The following DNAAF5 variants were observed in gnomAD, a reference collection of about 807,000 sequenced individuals.
DNAAF5 encodes dynein axonemal assembly factor 5, also known as HEAT repeat containing 2.
DNAAF5 carries 64 observed loss-of-function variants against 75.8 expected under a neutral mutation model. The ratio of observed to expected loss-of-function variants is 0.84; its 90% CI spans 0.69 to 1.04. The LOEUF is 1.04. Ranked by LOEUF, DNAAF5 falls within the 50% of genes least tolerant of loss-of-function variation. The pLI is 0.00. For missense variants in DNAAF5, 1,269 were observed against 1,178.5 expected (o/e 1.08, Z -1.12); for synonymous variants, 657 against 557.2 (o/e 1.18, Z -2.52).
In DNAAF5 at chr7:774,177, C is replaced by G; in HGVS notation, c.2061C>G (p.Ser687Arg). 1 of 1,610,126 alleles carries G rather than the reference C, an allele frequency of 6.2e-7. No homozygotes were observed. The highest frequency in any genetic ancestry group is 8.5e-7 in the Non-Finnish European group (1 of 1,179,594). ...CCTGCCTCTGGGCGCTCACCAGCAG[C>G]GAGGTCCTGTCGGCAGAGCAGGTAC... The part of the protein sequence containing the change: ...AVSCLWALTS[S>R]EVLSAEQIRD... The change falls in exon 10 of 13, where the codon AGC becomes AGG. Residue 687 changes from serine to arginine, a missense_variant. Coordinates refer to ENST00000297440, the MANE Select transcript of DNAAF5 (RefSeq NM_017802.4).
chr7:782,915 C>T (rs991180134), intron 12 of DNAAF5, among the ~76,000 whole-genome samples: 3 of 152,250 alleles, frequency 2.0e-5, no homozygotes, highest in Admixed American at 2.0e-4. Context: ...CCTGGCGTGG[C>T]CACCTCCCCT....
chr7:754,255 G>A lies in DNAAF5; in HGVS notation c.1025-334G>A, dbSNP rs146903756. On this transcript the variant is annotated intron_variant, in intron 4 of 12. Transcript: ENST00000297440. The surrounding 1 kb of genome is among the most constrained non-coding windows in gnomAD (Gnocchi z 4.8). ...TCCTCCCACCTCAGACTCCTGCGTAGCTGGGACCACAGGCATGCACCACGG... is the reference window on the plus strand; with the variant it reads ...TCCTCCCACCTCAGACTCCTGCGTAACTGGGACCACAGGCATGCACCACGG... 3.4e-3 allele frequency among the ~76,000 whole-genome samples: 520 copies of A among 152,298 alleles called. No homozygotes were observed. The highest frequency in any genetic ancestry group is 0.01 in the Middle Eastern group (3 of 294).
At position 729,072 on chromosome 7, in the gene DNAAF5, C is replaced by T. The variant is rs567699781; in HGVS notation, c.596-591C>T. On this transcript the variant is annotated intron_variant, in intron 1 of 12. Transcript: ENST00000297440. ...AGTGCAGTGGGGCGATCTCAGCTCA[C>T]TGCAACCTCCGCCTCCTGAGTTCAA... is the stretch of plus-strand genomic sequence containing the variant. 1.4e-3 allele frequency among the ~76,000 whole-genome samples: 215 copies of T among 150,848 alleles called. 1 individual carries two copies. The highest frequency in any genetic ancestry group is 5.0e-3 in the African/African-American group (205 of 40,974).
At chr7:773,126 C>T (rs903255014) in intron 9 of DNAAF5, among the ~76,000 whole-genome samples, 1 of 152,216 alleles carries the variant, frequency 6.6e-6, no homozygotes, top group Admixed American at 6.5e-5. Flanking sequence ...CCAGAGAGCC[C>T]TCTTGCAAGT....
In DNAAF5 at chr7:774,091, G is replaced by A. The variant is rs762534985; in HGVS notation, c.1975G>A (p.Ala659Thr). The stretch of plus-strand genomic sequence containing the variant: ...CGAGACGGTGACAAAGGACATCCTG[G>A]CCCCCAATCTGCAGTGGCATGCGGG... ...YLETVTKDIL[A>T]PNLQWHAGRT... The change falls in exon 10 of 13, where the codon GCC becomes ACC. Residue 659 changes from alanine (A) to threonine (T), a missense_variant. Transcript: ENST00000297440. 1 of 1,613,874 alleles carries A rather than the reference G, an allele frequency of 6.2e-7. No individual in the cohort carries two copies. Among genetic ancestry groups the A allele is most frequent in the South Asian group, 1.1e-5 (1 of 91,078 alleles).
At chr7:752,121 C>T (rs1160994615) in intron 4 of DNAAF5, among the ~76,000 whole-genome samples, 4 of 152,178 alleles carry the variant, frequency 2.6e-5, no homozygotes, top group Admixed American at 2.0e-4. Flanking sequence ...GGCGCCCGCA[C>T]GCGGACCACT....
intron 8 of DNAAF5, among the ~76,000 whole-genome samples, chr7:766,227 T>C (rs916984407): frequency 6.6e-6 from 1 of 152,362 alleles, no homozygotes; most frequent in South Asian, 2.1e-4. Context: ...GCCTCAAATA[T>C]AATACAATAT....
intron 9 of DNAAF5, chr7:773,078 A>G (rs1463528860): frequency 6.6e-6 from 1 of 152,130 alleles, no homozygotes; most frequent in African/African-American, 2.4e-5. Flanking sequence ...AGGCCATTTC[A>G]TGTGGTGACC....
chr7:761,733 G>A lies in DNAAF5; in HGVS notation c.1471-20G>A. 6.3e-7 allele frequency: 1 copy of A among 1,586,750 alleles called. No homozygotes were observed. ...GACCAAATTGTACCAAGCTCTGACG[G>A]TGCTGCCGGTCTCTTCCAGGACCTC... On this transcript the variant is annotated intron_variant, in intron 6 of 12. Transcript: ENST00000297440.
At chr7:776,371 C>T (rs1345196746) in intron 11 of DNAAF5, among the ~76,000 whole-genome samples, 6 of 152,180 alleles carry the variant, frequency 3.9e-5, no homozygotes, top group Non-Finnish European at 8.8e-5. Flanking sequence ...TCATCTTTGA[C>T]TTCTGTTCAA....
chr7:743,272 G>C (rs937101213), intron 4 of DNAAF5, among the ~76,000 whole-genome samples: 2 of 152,146 alleles, frequency 1.3e-5, no homozygotes, highest in Non-Finnish European at 2.9e-5. Context: ...CTGCTCCAGA[G>C]GCTGAGGTGG....
At position 754,695 on chromosome 7, in the gene DNAAF5, GA is replaced by G. The variant is rs1373722095; in HGVS notation, c.1133del (p.Lys378SerfsTer60). On this transcript the variant is annotated frameshift_variant, in exon 5 of 13. Coordinates refer to ENST00000297440, the MANE Select transcript of DNAAF5 (RefSeq NM_017802.4). LOFTEE classifies it high-confidence loss of function. This position sits in a 1 kb window ranked among gnomAD's most constrained non-coding sequence, Gnocchi z 4.8. ...CCGACTGGGTGGTGGGGACCCGAGT[GA>G]AGTCGGCACAGCTGCTCCCAGTGCT... is the stretch of plus-strand genomic sequence containing the variant. The part of the protein sequence containing the change: ...ITDWVVGTRV[K>X]SAQLLPVLLL... 6.2e-7 allele frequency: 1 copy of G among 1,614,044 alleles called. No individual in the cohort carries two copies. The highest frequency in any genetic ancestry group is 1.3e-5 in the African/African-American group (1 of 75,070).
At position 761,886 on chromosome 7, in the gene DNAAF5, T is replaced by C. The variant is rs371954754; in HGVS notation, c.1604T>C (p.Leu535Pro). Residue 535 changes from leucine to proline, a missense_variant, in exon 7 of 13, where the codon CTG becomes CCG. Physicochemically the swap from Leu to Pro is moderately conservative, Grantham distance 98 (BLOSUM62 -3). Transcript: ENST00000297440. ...TIVALAGATG[L>P]RDKAQETMDS... ...GTGGCCCTCGCAGGTGCTACCGGCC[T>C]GAGGGACAAGGTAAGGCTGACAGTG... The C allele has an allele frequency of 6.4e-6, 10 of 1,574,146 alleles. No homozygotes were observed. In the African/African-American group the frequency reaches 6.8e-5, roughly 11 times the overall value.
chr7:770,717 C>T (rs1778533363), intron 9 of DNAAF5, 99 bp downstream of exon 9: 11 of 1,164,746 alleles, frequency 9.4e-6, no homozygotes, highest in Admixed American at 4.4e-5. Flanking sequence ...GGGGTTCCCA[C>T]CTCCTTCCCC....
chr7:783,430 G>GCGACCACATGCTCTGCC (rs1562405377), intron 12 of DNAAF5, among the ~76,000 whole-genome samples: 33 of 152,094 alleles, frequency 2.2e-4, no homozygotes, highest in Admixed American at 5.2e-4. Context: ...CATGCTCTGC[G>GCGACCACATGCTCTGCC]TGCGACCACA....
Position 785,630 on chromosome 7 carries a change from C to T in DNAAF5, c.2545C>T (p.Gln849Ter). The T allele has an allele frequency of 6.2e-7, 1 of 1,612,960 alleles. No individual in the cohort carries two copies. Among genetic ancestry groups the T allele is most frequent in the Non-Finnish European group, 8.5e-7 (1 of 1,179,988 alleles). The change falls in exon 13 of 13, where the codon CAG becomes TAG. Residue 849 changes from glutamine (Q) to a stop codon, truncating the protein, a stop_gained. Transcript: ENST00000297440. LOFTEE classifies it high-confidence loss of function. The stretch of plus-strand genomic sequence containing the variant: ...CTGCGAGCAGCTCCTGCAGCATGTG[C>T]AGGCCGTGCCAGCCACACAGTGACC... ...TYCEQLLQHV[Q>*]AVPATQ
At chr7:760,609 C>T (rs2128079959) in intron 6 of DNAAF5, among the ~76,000 whole-genome samples, 1 of 152,290 alleles carries the variant, frequency 6.6e-6, no homozygotes, top group South Asian at 2.1e-4. Flanking sequence ...ACGATTGCAC[C>T]ACTGCACTCC....
intron 8 of DNAAF5, among the ~76,000 whole-genome samples, chr7:765,444 G>C: frequency 6.6e-6 from 1 of 152,186 alleles, no homozygotes; most frequent in South Asian, 2.1e-4. Flanking sequence ...TCACCTCACA[G>C]TCCAGAAAAT....
At chr7:741,523 G>T in intron 4 of DNAAF5, 58 bp downstream of exon 4, 1 of 1,069,370 alleles carries the variant, frequency 9.4e-7, no homozygotes, top group East Asian at 2.5e-5. Flanking sequence ...GGTGGGAAAG[G>T]GGCTTCTGAG....
Sources: allele counts gnomAD v4.1 joint callset (sites outside exome capture counted in the v4.1 genomes callset), GRCh38; gene constraint gnomAD v4.1.1; non-coding constraint Gnocchi (gnomAD v3.1); transcripts MANE v1.5; gene names NCBI Gene and HGNC (gene_info 2026-07-23, HGNC 2026-07-21).